NRP2: variants seen among roughly 807,000 people sequenced by gnomAD.
The protein encoded by NRP2 is neuropilin 2, also known as neuropilin-2.
A neutral mutation model predicts 110.4 loss-of-function variants in NRP2; 52 were observed. The ratio of observed to expected loss-of-function variants is 0.47; its 90% CI spans 0.38 to 0.59. The LOEUF is 0.59. NRP2 is among the 20% of genes least tolerant of loss of function. NRP2 has a pLI of 0.00. For synonymous variants in NRP2, 508 were observed against 468.9 expected (o/e 1.08, Z -1.08); for missense variants, 1,049 against 1,203.0 (o/e 0.87, Z 1.89).
Position 205,725,737 on chromosome 2 carries a change from G to GGTT in NRP2, c.821-173_821-171dup, listed in dbSNP as rs777208603. On this transcript the variant is annotated intron_variant, in intron 5 of 16. Coordinates refer to ENST00000357785, the MANE Select transcript of NRP2 (RefSeq NM_003872.3). The surrounding 1 kb of genome is among the most constrained non-coding windows in gnomAD (Gnocchi z 4.1). ...ATTTAGTTTCTCTCAGACCCAGAGG[G>GGTT]GTTGTCAAGCTCCATGACTTGATGT... is the stretch of plus-strand genomic sequence containing the variant. Among the ~76,000 whole-genome samples, 26 of 152,296 alleles carry GGTT rather than the reference G, an allele frequency of 1.7e-4. 1 individual carries two copies. The highest frequency in any genetic ancestry group is 6.2e-4 in the South Asian group (3 of 4,814).
rs2057481698 is a variant in NRP2 at position 205,743,496 on chromosome 2, A to G, written c.1585A>G (p.Ser529Gly). Residue 529 changes from serine to glycine, a missense_variant, in exon 9 of 17, where the codon AGC becomes GGC. Coordinates refer to ENST00000357785, the MANE Select transcript of NRP2 (RefSeq NM_003872.3). Reference sequence around the variant, plus strand: ...TGTGCGCAAGTTCAAAGTCTCCTACAGCCTAAACGGCAAGGACTGGGAATA... The same window carrying G: ...TGTGCGCAAGTTCAAAGTCTCCTACGGCCTAAACGGCAAGGACTGGGAATA... The part of the protein sequence containing the change: ...AFVRKFKVSY[S>G]LNGKDWEYIQ... 1 of 1,614,232 alleles carries G rather than the reference A, an allele frequency of 6.2e-7. No individual in the cohort carries two copies. Among genetic ancestry groups the G allele is most frequent in the Non-Finnish European group, 8.5e-7 (1 of 1,180,044 alleles).
At chr2:205,694,685 A>C (rs1306827896) in intron 1 of NRP2, among the ~76,000 whole-genome samples, 1 of 152,234 alleles carries the variant, frequency 6.6e-6, no homozygotes, top group Non-Finnish European at 1.5e-5. Flanking sequence ...TGTGGAACAC[A>C]ATAAAGACCT....
chr2:205,733,711 T>C (rs999060814), intron 7 of NRP2, among the ~76,000 whole-genome samples: 9 of 152,000 alleles, frequency 5.9e-5, no homozygotes, highest in African/African-American at 2.2e-4. Context: ...GAGTTTCTCC[T>C]TCCCTCTTCC....
chr2:205,780,141 TACCCCTC>T (rs1170205397), intron 15 of NRP2, among the ~76,000 whole-genome samples: 1 of 152,202 alleles, frequency 6.6e-6, no homozygotes, highest in Non-Finnish European at 1.5e-5. Flanking sequence ...AGTGACATCT[TACCCCTC>T]ACCTACCCAA....
At chr2:205,791,189 G>A (rs932879580) in intron 15 of NRP2, among the ~76,000 whole-genome samples, 11 of 152,122 alleles carry the variant, frequency 7.2e-5, no homozygotes, top group Non-Finnish European at 8.8e-5. Context: ...CCTCTTGTCT[G>A]ATACTTCAGC....
intron 12 of NRP2, among the ~76,000 whole-genome samples, chr2:205,755,308 C>G (rs3771013): frequency 0.91 from 138,967 of 152,202 alleles, 63,468 homozygotes; most frequent in Admixed American, 0.93. Flanking sequence ...GAGAAAATTA[C>G]GGCCATAAGG....
intron 1 of NRP2, among the ~76,000 whole-genome samples, chr2:205,691,203 A>G (rs1364503395): frequency 6.6e-6 from 1 of 152,220 alleles, no homozygotes; most frequent in Non-Finnish European, 1.5e-5. Flanking sequence ...CTGGTGGCTC[A>G]GTAGACTGGA....
rs1309738821 is a variant in NRP2, at chr2:205,686,288, A to G, written c.73+2925A>G. Reference sequence around the variant, plus strand: ...TGCGGCATTTCTTCAACGCTGCCCTATGCCGGAAAGTTAGGTCTCGGCTGC... The same window carrying G: ...TGCGGCATTTCTTCAACGCTGCCCTGTGCCGGAAAGTTAGGTCTCGGCTGC... On this transcript the variant is annotated intron_variant, in intron 1 of 16. Transcript: ENST00000357785. This position sits in a 1 kb window ranked among gnomAD's most constrained non-coding sequence, Gnocchi z 4.7. Among the ~76,000 whole-genome samples, 1 of 152,074 alleles carries G rather than the reference A, an allele frequency of 6.6e-6. No homozygotes were observed. The highest frequency in any genetic ancestry group is 1.5e-5 in the Non-Finnish European group (1 of 67,996).
chr2:205,795,156 C>T lies in NRP2; in HGVS notation c.*98C>T, dbSNP rs944794618. On this transcript the variant is annotated 3_prime_UTR_variant, in exon 17 of 17. Coordinates refer to ENST00000357785, the MANE Select transcript of NRP2 (RefSeq NM_003872.3). ...CTTTGGAAACTGAATGCCATAATCT[C>T]GATCAAACCGATCCAGAATACCGAA... 44 of 1,147,780 alleles carry T rather than the reference C, an allele frequency of 3.8e-5. No homozygotes were observed. Among genetic ancestry groups the T allele is most frequent in the African/African-American group, 2.6e-4 (17 of 65,222 alleles). The allele number at this position is 1,147,780 out of a possible 1,614,324, so 71.1% of individuals were successfully genotyped here. A position where few individuals can be genotyped will look rare whatever the true frequency, so the allele number is the denominator to read the frequency against.
intron 15 of NRP2, among the ~76,000 whole-genome samples, chr2:205,773,539 A>G (rs186856223): frequency 1.3e-5 from 2 of 152,302 alleles, no homozygotes; most frequent in African/African-American, 2.4e-5. Context: ...GGTCTTACTT[A>G]AAGTGGAGTT....
intron 15 of NRP2, among the ~76,000 whole-genome samples, chr2:205,773,551 G>A: frequency 6.6e-6 from 1 of 152,266 alleles, no homozygotes; most frequent in African/African-American, 2.4e-5. Flanking sequence ...AGTGGAGTTT[G>A]TCTTTCAAGT....
intron 15 of NRP2, among the ~76,000 whole-genome samples, chr2:205,787,738 G>C (rs2058251021): frequency 1.3e-5 from 2 of 151,812 alleles, no homozygotes; most frequent in Admixed American, 1.3e-4. Context: ...GTGTGTGTGT[G>C]TGTGTGTGTG....
chr2:205,770,848 G>A (rs1180198327), intron 15 of NRP2, among the ~76,000 whole-genome samples: 2 of 152,262 alleles, frequency 1.3e-5, no homozygotes, highest in East Asian at 1.9e-4. Flanking sequence ...TGTGTGAAGC[G>A]GGTAACTGCT....
At chr2:205,740,793 C>T in intron 8 of NRP2, 130 bp downstream of exon 8, 1 of 1,009,394 alleles carries the variant, frequency 9.9e-7, no homozygotes, top group African/African-American at 1.6e-5. Context: ...GACTCAAGTC[C>T]TACCAGAGTT....
At chr2:205,724,031 G>C (rs2057075802) in intron 5 of NRP2, 91 bp downstream of exon 5, 2 of 1,428,646 alleles carry the variant, frequency 1.4e-6, no homozygotes, top group Admixed American at 3.5e-5. Flanking sequence ...TTATGAGGGA[G>C]GAGATGGGAA....
At chr2:205,697,476 G>C in intron 1 of NRP2, 68 bp from the exon 2 acceptor site, 2 of 1,373,914 alleles carry the variant, frequency 1.5e-6, no homozygotes, top group Non-Finnish European at 2.1e-6. Context: ...AGAAGAGAAG[G>C]AGGGAGTGTG....
At chr2:205,724,381 T>G (rs1332650889) in intron 5 of NRP2, among the ~76,000 whole-genome samples, 1 of 152,170 alleles carries the variant, frequency 6.6e-6, no homozygotes, top group African/African-American at 2.4e-5. Context: ...TTTCTCTGGA[T>G]TTTTTGACAT....
At chr2:205,788,573 A>G (rs960933445) in intron 15 of NRP2, among the ~76,000 whole-genome samples, 1 of 152,198 alleles carries the variant, frequency 6.6e-6, no homozygotes. Context: ...AAGCATTTCT[A>G]TCAATCAGAC....
At chr2:205,790,835 C>T (rs540514323) in intron 15 of NRP2, among the ~76,000 whole-genome samples, 2 of 152,228 alleles carry the variant, frequency 1.3e-5, no homozygotes, top group East Asian at 1.9e-4. Flanking sequence ...GGGAGGCTGG[C>T]GTGGCCTGCA....
Sources: allele counts gnomAD v4.1 joint callset (sites outside exome capture counted in the v4.1 genomes callset), GRCh38; gene constraint gnomAD v4.1.1; non-coding constraint Gnocchi (gnomAD v3.1); transcripts MANE v1.5; gene names NCBI Gene and HGNC (gene_info 2026-07-23, HGNC 2026-07-21).